The following SLC27A3 variants were observed in gnomAD, a reference collection of about 807,000 sequenced individuals.
SLC27A3 encodes long-chain fatty acid transport protein 3.
Under a neutral mutation model 60.1 loss-of-function variants are expected in SLC27A3, and 60 were observed. That is an observed-to-expected ratio of 1.00 (90% CI 0.81 to 1.24). SLC27A3 has a LOEUF of 1.24. Ranked by LOEUF, SLC27A3 falls within the 50% of genes most tolerant of loss-of-function variation. The pLI is 0.00. For synonymous variants in SLC27A3, 455 were observed against 409.0 expected (o/e 1.11, Z -1.36); for missense variants, 1,079 against 929.9 (o/e 1.16, Z -2.09).
rs780042175 is a variant in SLC27A3 at position 153,777,039 on chromosome 1, G to A, written c.878-23G>A. Reference sequence around the variant, plus strand: ...CTTGGAGTTTGCCCTTCCCCTGATCGTCCCATAACTGCCACCCCACAGGCC... The same window carrying A: ...CTTGGAGTTTGCCCTTCCCCTGATCATCCCATAACTGCCACCCCACAGGCC... On this transcript the variant is annotated intron_variant, in intron 2 of 9. Transcript: ENST00000624995. 162 of 1,612,994 alleles carry A rather than the reference G, an allele frequency of 1.0e-4. 1 individual carries two copies. Among genetic ancestry groups the A allele is most frequent in the Non-Finnish European group, 1.4e-4 (161 of 1,179,380 alleles).
Position 153,778,555 on chromosome 1 carries a change from TTGG to T in SLC27A3, c.1447+8_1447+10del. ...GGCACTGTATGGCCACATCTCCAGG[TTGG>T]TGGTGTTCTGGTGGGGTGGGCGGGG... is the stretch of plus-strand genomic sequence containing the variant. On this transcript the variant is annotated splice_donor_5th_base_variant and intron_variant, in intron 6 of 9. Coordinates refer to ENST00000624995, the MANE Select transcript of SLC27A3 (RefSeq NM_024330.4). 5 of 1,613,572 alleles carry T rather than the reference TTGG, an allele frequency of 3.1e-6. No homozygotes were observed. The highest frequency in any genetic ancestry group is 4.2e-6 in the Non-Finnish European group (5 of 1,179,582).
rs1294576727 is a variant in SLC27A3, at chr1:153,779,161, A to G, written c.1694A>G (p.Glu565Gly). Residue 565 changes from glutamate (E) to glycine (G), a missense_variant, in exon 8 of 10, where the codon GAG becomes GGG. By Grantham distance (98) the Glu-to-Gly change is moderately conservative (BLOSUM62 -2). Coordinates refer to ENST00000624995, the MANE Select transcript of SLC27A3 (RefSeq NM_024330.4). ...ACAACCGAGGTGGCAGAGGTCTTCGAGGCCCTAGATTTTCTTCAGGAGGTG... is the reference window on the plus strand; with the variant it reads ...ACAACCGAGGTGGCAGAGGTCTTCGGGGCCCTAGATTTTCTTCAGGAGGTG... Reference protein sequence around the residue: ...VATTEVAEVFEALDFLQEVNV... With the variant: ...VATTEVAEVFGALDFLQEVNV... The G allele has an allele frequency of 5.0e-6, 8 of 1,614,006 alleles. No individual in the cohort carries two copies. Among genetic ancestry groups the G allele is most frequent in the African/African-American group, 1.3e-5 (1 of 74,924 alleles).
Position 153,776,118 on chromosome 1 carries a change from G to T in SLC27A3, c.621G>T (p.Leu207=), listed in dbSNP as rs778480271. ...VPTALRRGPL[L]HCLRSCGARA... ...CCGCCCTGCGCCGGGGCCCCCTGCTGCACTGCCTCCGCAGCTGCGGCGCGC... is the reference window on the plus strand; with the variant it reads ...CCGCCCTGCGCCGGGGCCCCCTGCTTCACTGCCTCCGCAGCTGCGGCGCGC... The change falls in exon 1 of 10, where the codon CTG becomes CTT. Residue 207 remains leucine, a synonymous_variant. Coordinates refer to ENST00000624995, the MANE Select transcript of SLC27A3 (RefSeq NM_024330.4). The T allele has an allele frequency of 1.4e-6, 2 of 1,467,816 alleles. No homozygotes were observed. The highest frequency in any genetic ancestry group is 1.4e-5 in the South Asian group (1 of 72,176). 90.9% of individuals were successfully genotyped at this position (1,467,816 alleles called of 1,614,324 possible).
In SLC27A3 at chr1:153,775,725, G is replaced by A; in HGVS notation, c.228G>A (p.Gln76=). The A allele has an allele frequency of 1.3e-6, 2 of 1,520,060 alleles. No homozygotes were observed. Among genetic ancestry groups the A allele is most frequent in the South Asian group, 1.3e-5 (1 of 76,468 alleles). 94.2% of individuals were successfully genotyped at this position (1,520,060 alleles called of 1,614,324 possible). A position where few individuals can be genotyped will look rare whatever the true frequency, so the allele number is the denominator to read the frequency against. The change falls in exon 1 of 10, where the codon CAG becomes CAA. Residue 76 remains glutamine (Q), a synonymous_variant. Transcript: ENST00000624995. ...SLAWRLAELA[Q]QRAAHTFLIH... is the part of the protein sequence containing the mutation. Reference sequence around the variant, plus strand: ...CCTGGCGCCTCGCGGAACTGGCCCAGCAGCGCGCCGCGCACACCTTTCTCA... The same window carrying A: ...CCTGGCGCCTCGCGGAACTGGCCCAACAGCGCGCCGCGCACACCTTTCTCA...
rs1275913813 is a variant in SLC27A3, at chr1:153,775,541, T to C, written c.44T>C (p.Leu15Pro). 1 of 1,612,028 alleles carries C rather than the reference T, an allele frequency of 6.2e-7. No homozygotes were observed. Among genetic ancestry groups the C allele is most frequent in the Non-Finnish European group, 8.5e-7 (1 of 1,179,714 alleles). Residue 15 changes from leucine to proline, a missense_variant, in exon 1 of 10, where the codon CTG becomes CCG. Coordinates refer to ENST00000624995, the MANE Select transcript of SLC27A3 (RefSeq NM_024330.4). ...CTGCCCCTGCTGCTGTTGCTACCGC[T>C]GCTGCTGCTGAAGCTACACCTCTGG... The part of the protein sequence containing the change: ...LLLPLLLLLP[L>P]LLLKLHLWPQ...
At position 153,777,053 on chromosome 1, in the gene SLC27A3, A is replaced by G; in HGVS notation, c.878-9A>G. 1 of 1,613,790 alleles carries G rather than the reference A, an allele frequency of 6.2e-7. No individual in the cohort carries two copies. Among genetic ancestry groups the G allele is most frequent in the Admixed American group, 1.7e-5 (1 of 60,000 alleles). On this transcript the variant is annotated splice_polypyrimidine_tract_variant and intron_variant, in intron 2 of 9. Transcript: ENST00000624995. ...TTCCCCTGATCGTCCCATAACTGCCACCCCACAGGCCTCCCCAAGGCTGCT... is the reference window on the plus strand; with the variant it reads ...TTCCCCTGATCGTCCCATAACTGCCGCCCCACAGGCCTCCCCAAGGCTGCT...
intron 9 of SLC27A3, 52 bp downstream of exon 9, chr1:153,779,525 C>A: frequency 6.3e-7 from 1 of 1,580,186 alleles, no homozygotes. Context: ...CCTCACCCCA[C>A]ATATCCACCC....
Position 153,778,227 on chromosome 1 carries a change from G to T in SLC27A3, c.1228G>T (p.Glu410Ter), listed in dbSNP as rs143578814. The T allele has an allele frequency of 3.7e-6, 6 of 1,613,684 alleles. No individual in the cohort carries two copies. In the African/African-American group the frequency reaches 5.3e-5, roughly 14 times the overall value. Residue 410 changes from glutamate to a stop codon, truncating the protein, a stop_gained, in exon 5 of 10, where the codon GAG (glutamate) becomes TAG (stop). Coordinates refer to ENST00000624995, the MANE Select transcript of SLC27A3 (RefSeq NM_024330.4). LOFTEE classifies it high-confidence loss of function. ...VGSGLRPDTW[E>*]RFVRRFGPLQ... ...CAGCGGGCTGCGCCCAGATACCTGG[G>T]AGCGTTTTGTGCGGCGCTTCGGGCC...
rs150046345 is a variant in SLC27A3 at position 153,776,089 on chromosome 1, C to T, written c.592C>T (p.Pro198Ser). 2 of 1,483,754 alleles carry T rather than the reference C, an allele frequency of 1.3e-6. No individual in the cohort carries two copies. Among genetic ancestry groups the T allele is most frequent in the East Asian group, 2.6e-5 (1 of 39,202 alleles). The allele number at this position is 1,483,754 out of a possible 1,614,324, so 91.9% of individuals were successfully genotyped here. A position where few individuals can be genotyped will look rare whatever the true frequency, so the allele number is the denominator to read the frequency against. The change falls in exon 1 of 10, where the codon CCC (proline) becomes TCC (serine). Residue 198 changes from proline to serine, a missense_variant. By Grantham distance (74) the Pro-to-Ser change is moderately conservative. Coordinates refer to ENST00000624995, the MANE Select transcript of SLC27A3 (RefSeq NM_024330.4). Reference sequence around the variant, plus strand: ...GGCCGGCCTGCGCACTGCCTTTGTGCCCACCGCCCTGCGCCGGGGCCCCCT... The same window carrying T: ...GGCCGGCCTGCGCACTGCCTTTGTGTCCACCGCCCTGCGCCGGGGCCCCCT... ...AKAGLRTAFV[P>S]TALRRGPLLH... is the part of the protein sequence containing the mutation.
In SLC27A3 at chr1:153,776,562, A is replaced by G. The variant is rs777368122; in HGVS notation, c.712A>G (p.Met238Val). The G allele has an allele frequency of 5.6e-6, 9 of 1,614,006 alleles. No individual in the cohort carries two copies. Among genetic ancestry groups the G allele is most frequent in the African/African-American group, 1.3e-5 (1 of 74,924 alleles). Residue 238 changes from methionine to valine, a missense_variant, in exon 2 of 10, where the codon ATG (methionine) becomes GTG (valine). Transcript: ENST00000624995. ...GCCGGACCTGCCCGCCCTGAGAGCC[A>G]TGGGGCTCCACCTGTGGGCTGCAGG... Reference protein sequence around the residue: ...LEPDLPALRAMGLHLWAAGPG... With the variant: ...LEPDLPALRAVGLHLWAAGPG...
chr1:153,776,215 G>C, intron 1 of SLC27A3, 51 bp downstream of exon 1: 1 of 1,405,424 alleles, frequency 7.1e-7, no homozygotes, highest in Non-Finnish European at 9.2e-7. Flanking sequence ...ACAGAAGGGG[G>C]CGTGTCGGAG....
At chr1:153,779,586 C>T in intron 9 of SLC27A3, 113 bp downstream of exon 9, 1 of 1,260,606 alleles carries the variant, frequency 7.9e-7, no homozygotes. Context: ...AAAGGGACCC[C>T]CAACGTAATA....
chr1:153,779,291 C>G, intron 8 of SLC27A3, 52 bp from the exon 9 acceptor site: 2 of 1,613,730 alleles, frequency 1.2e-6, no homozygotes, highest in Non-Finnish European at 1.7e-6. Flanking sequence ...AGCACGAGGC[C>G]TTCGTGGTGG....
At position 153,778,212 on chromosome 1, in the gene SLC27A3, C is replaced by A; in HGVS notation, c.1213C>A (p.Arg405Ser). The change falls in exon 5 of 10, where the codon CGC (arginine) becomes AGC (serine). Residue 405 changes from arginine (R) to serine (S), a missense_variant. Arg to Ser is a moderately radical substitution (Grantham distance 110). Coordinates refer to ENST00000624995, the MANE Select transcript of SLC27A3 (RefSeq NM_024330.4). The part of the protein sequence containing the change: ...KVRLAVGSGL[R>S]PDTWERFVRR... ...CCGGCTGGCAGTGGGCAGCGGGCTG[C>A]GCCCAGATACCTGGGAGCGTTTTGT... 1 of 1,613,224 alleles carries A rather than the reference C, an allele frequency of 6.2e-7. No individual in the cohort carries two copies. The highest frequency in any genetic ancestry group is 8.5e-7 in the Non-Finnish European group (1 of 1,180,016).
In SLC27A3 at chr1:153,780,042, G is replaced by C; in HGVS notation, c.*40G>C. Reference sequence around the variant, plus strand: ...GAGGCACCTGAGAGAGGAACTCTGTGGGGTGGGGGCCGTTGCAGGTGTACT... The same window carrying C: ...GAGGCACCTGAGAGAGGAACTCTGTCGGGTGGGGGCCGTTGCAGGTGTACT... On this transcript the variant is annotated 3_prime_UTR_variant, in exon 10 of 10. Transcript: ENST00000624995. 1 of 1,570,772 alleles carries C rather than the reference G, an allele frequency of 6.4e-7. No individual in the cohort carries two copies. Among genetic ancestry groups the C allele is most frequent in the Middle Eastern group, 1.7e-4 (1 of 5,812 alleles).
In SLC27A3 at chr1:153,778,177, G is replaced by A. The variant is rs910853740; in HGVS notation, c.1178G>A (p.Gly393Asp). The A allele has an allele frequency of 5.0e-6, 8 of 1,610,122 alleles. No homozygotes were observed. The highest frequency in any genetic ancestry group is 6.8e-6 in the Non-Finnish European group (8 of 1,179,618). The change falls in exon 5 of 10, where the codon GGC (glycine) becomes GAC (aspartate). Residue 393 changes from glycine (G) to aspartate (D), a missense_variant. Coordinates refer to ENST00000624995, the MANE Select transcript of SLC27A3 (RefSeq NM_024330.4). The part of the protein sequence containing the change: ...VNQPPSKAER[G>D]HKVRLAVGSG... ...TCATCTCAGAGCAAGGCAGAACGTG[G>A]CCATAAGGTCCGGCTGGCAGTGGGC...
chr1:153,778,422 G>A (rs775724093), intron 5 of SLC27A3, 41 bp from the exon 6 acceptor site: 3 of 1,612,412 alleles, frequency 1.9e-6, no homozygotes, highest in Non-Finnish European at 8.5e-7. Context: ...GGGGGCTCAT[G>A]TGACTGCAAT....
At chr1:153,777,669 C>A in intron 3 of SLC27A3, 92 bp from the exon 4 acceptor site, 1 of 1,494,090 alleles carries the variant, frequency 6.7e-7, no homozygotes, top group Non-Finnish European at 9.2e-7. Context: ...GGAAAGACTA[C>A]AGTGATGGCT....
rs768764740 is a variant in SLC27A3, at chr1:153,776,539, C to T, written c.689C>T (p.Pro230Leu). 25 of 1,613,896 alleles carry T rather than the reference C, an allele frequency of 1.5e-5. No individual in the cohort carries two copies. Among genetic ancestry groups the T allele is most frequent in the African/African-American group, 8.0e-5 (6 of 74,920 alleles). ...CTAGAGTTTCTGGAGTCCCTGGAGC[C>T]GGACCTGCCCGCCCTGAGAGCCATG... The part of the protein sequence containing the change: ...LAPEFLESLE[P>L]DLPALRAMGL... The change falls in exon 2 of 10, where the codon CCG becomes CTG. Residue 230 changes from proline to leucine, a missense_variant. Coordinates refer to ENST00000624995, the MANE Select transcript of SLC27A3 (RefSeq NM_024330.4).
Sources: allele counts gnomAD v4.1 joint callset, GRCh38; gene constraint gnomAD v4.1.1; transcripts MANE v1.5; gene names NCBI Gene and HGNC (gene_info 2026-07-23, HGNC 2026-07-21).